CCDC178: variants seen among roughly 807,000 people sequenced by gnomAD.
CCDC178 encodes coiled-coil domain-containing protein 178.
CCDC178 carries 126 observed loss-of-function variants against 117.4 expected under a neutral mutation model. The observed-to-expected ratio is 1.07, with a 90% confidence interval of 0.93 to 1.24. The LOEUF is 1.24. Ranked by LOEUF, CCDC178 falls within the 50% of genes most tolerant of loss-of-function variation. CCDC178 has a pLI of 0.00. For synonymous variants in CCDC178, 283 were observed against 313.4 expected, an observed-to-expected ratio of 0.90 and a Z score of 1.02; for missense variants, 1,030 against 986.9, an observed-to-expected ratio of 1.04 and a Z score of -0.59.
chr18:33,237,039 C>G (rs2059433280), intron 15 of CCDC178, among the ~76,000 whole-genome samples: 1 of 152,160 alleles, frequency 6.6e-6, no homozygotes, highest in African/African-American at 2.4e-5. Flanking sequence ...AACTTATGCA[C>G]TCCCCCAACT....
At position 33,294,181 on chromosome 18, in the gene CCDC178, C is replaced by G. The variant is rs142061493; in HGVS notation, c.1023-869G>C. Among the ~76,000 whole-genome samples, 925 of 152,256 alleles carry G rather than the reference C, an allele frequency of 6.1e-3. 8 individuals carry two copies. The highest frequency in any genetic ancestry group is 0.021 in the African/African-American group (887 of 41,550). On this transcript the variant is annotated intron_variant, in intron 11 of 22. Transcript: ENST00000383096. ...TGAACCACACAATCCTTTATCTAATCTAGCAGGTAGAAACCACTTTCCAAA... is the reference window on the plus strand; with the variant it reads ...TGAACCACACAATCCTTTATCTAATGTAGCAGGTAGAAACCACTTTCCAAA...
intron 22 of CCDC178, among the ~76,000 whole-genome samples, chr18:32,949,558 T>C (rs2054433675): frequency 6.6e-6 from 1 of 152,174 alleles, no homozygotes; most frequent in African/African-American, 2.4e-5. Flanking sequence ...TCAGGCATTG[T>C]AAGCTTTATT....
chr18:33,369,973 T>C, intron 6 of CCDC178, 77 bp downstream of exon 6: 1 of 1,229,020 alleles, frequency 8.1e-7, no homozygotes, highest in Non-Finnish European at 1.1e-6. Flanking sequence ...CAGAGTTTCC[T>C]GGGTTCTTTA....
chr18:33,238,222 C>A (rs1261155368), intron 15 of CCDC178, among the ~76,000 whole-genome samples: 1 of 151,946 alleles, frequency 6.6e-6, no homozygotes, highest in Non-Finnish European at 1.5e-5. Flanking sequence ...CAGATACCAA[C>A]ATAAGGAAAC....
intron 18 of CCDC178, among the ~76,000 whole-genome samples, chr18:33,219,166 C>G (rs1007914078): frequency 6.6e-6 from 1 of 151,982 alleles, no homozygotes; most frequent in Non-Finnish European, 1.5e-5. Flanking sequence ...AGGTCCTTCA[C>G]ATGAAAAAAT....
intron 3 of CCDC178, among the ~76,000 whole-genome samples, chr18:33,405,293 G>T (rs1183578007): frequency 2.6e-5 from 4 of 151,382 alleles, no homozygotes; most frequent in African/African-American, 7.3e-5. Flanking sequence ...TACTTATAAT[G>T]CATCTGTATA....
In CCDC178 at chr18:33,356,376, C is replaced by T. The variant is rs1192967034; in HGVS notation, c.349-30G>A. ...CAAAACAAAAGATCTCAATAAAAATCAAATCTTAAACATATTAAAAAACTG... is the reference window on the plus strand; with the variant it reads ...CAAAACAAAAGATCTCAATAAAAATTAAATCTTAAACATATTAAAAAACTG... On this transcript the variant is annotated intron_variant, in intron 6 of 22. Coordinates refer to ENST00000383096, the MANE Select transcript of CCDC178 (RefSeq NM_001105528.4). 8.2e-6 allele frequency: 12 copies of T among 1,458,900 alleles called. No homozygotes were observed. The East Asian group carries it at 2.7e-4, about 33-fold the overall frequency. The allele number at this position is 1,458,900 out of a possible 1,614,324, so 90.4% of individuals were successfully genotyped here. A position where few individuals can be genotyped will look rare whatever the true frequency, so the allele number is the denominator to read the frequency against.
intron 11 of CCDC178, among the ~76,000 whole-genome samples, chr18:33,314,247 G>GATTC (rs1366165315): frequency 7.9e-6 from 1 of 127,336 alleles, no homozygotes; most frequent in Non-Finnish European, 1.6e-5. Flanking sequence ...ATTGTGCCTA[G>GATTC]ATTCAGGCTG....
At chr18:33,274,917 G>A (rs939121607) in intron 12 of CCDC178, among the ~76,000 whole-genome samples, 1 of 151,970 alleles carries the variant, frequency 6.6e-6, no homozygotes, top group Admixed American at 6.6e-5. Flanking sequence ...GGATAAGTAC[G>A]ATTACTTTAG....
At chr18:32,959,731 A>G (rs2054668806) in intron 22 of CCDC178, among the ~76,000 whole-genome samples, 1 of 152,106 alleles carries the variant, frequency 6.6e-6, no homozygotes, top group African/African-American at 2.4e-5. Flanking sequence ...GCTAAGTTGT[A>G]TGAAAAATAC....
At chr18:32,979,263 C>T (rs1245501957) in intron 21 of CCDC178, among the ~76,000 whole-genome samples, 1 of 151,970 alleles carries the variant, frequency 6.6e-6, no homozygotes, top group Non-Finnish European at 1.5e-5. Flanking sequence ...TCAAACGATT[C>T]TCCTGTCTCA....
chr18:33,431,074 CA>C (rs368036930), intron 2 of CCDC178, among the ~76,000 whole-genome samples: 297 of 66,404 alleles, frequency 4.5e-3, no homozygotes, highest in African/African-American at 0.014. Context: ...GACTACGTCT[CA>C]AAAAAAAAAA....
At chr18:33,243,145 A>G (rs2059508473) in intron 15 of CCDC178, among the ~76,000 whole-genome samples, 1 of 151,968 alleles carries the variant, frequency 6.6e-6, no homozygotes, top group Non-Finnish European at 1.5e-5. Flanking sequence ...GAAGTCACTC[A>G]GGAATAGAAA....
chr18:33,369,884 C>T (rs1411873955), intron 6 of CCDC178, among the ~76,000 whole-genome samples, 166 bp downstream of exon 6: 2 of 151,918 alleles, frequency 1.3e-5, no homozygotes, highest in Non-Finnish European at 2.9e-5. Context: ...GTGAGACTAT[C>T]AAAAACATGT....
chr18:33,235,349 T>G (rs2059415662), intron 15 of CCDC178, among the ~76,000 whole-genome samples: 1 of 152,170 alleles, frequency 6.6e-6, no homozygotes, highest in South Asian at 2.1e-4. Flanking sequence ...GGTCACAATG[T>G]AAGTCTAATG....
At chr18:33,140,575 CCT>C (rs1762844171) in intron 20 of CCDC178, among the ~76,000 whole-genome samples, 1 of 152,048 alleles carries the variant, frequency 6.6e-6, no homozygotes, top group African/African-American at 2.4e-5. Context: ...ACCTGTAGCC[CCT>C]TTGTTTTGGA....
intron 9 of CCDC178, among the ~76,000 whole-genome samples, chr18:33,333,755 A>C (rs901120699): frequency 6.6e-6 from 1 of 151,918 alleles, no homozygotes; most frequent in Non-Finnish European, 1.5e-5. Flanking sequence ...CAGGTGGTCC[A>C]CCTGCCTCGG....
chr18:33,123,417 A>C (rs2057962674), intron 20 of CCDC178, among the ~76,000 whole-genome samples: 1 of 152,166 alleles, frequency 6.6e-6, no homozygotes, highest in South Asian at 2.1e-4. Context: ...ACAAATTCAA[A>C]TATGTATGTC....
At chr18:33,292,576 A>G (rs2060181421) in intron 12 of CCDC178, among the ~76,000 whole-genome samples, 1 of 152,044 alleles carries the variant, frequency 6.6e-6, no homozygotes, top group Non-Finnish European at 1.5e-5. Flanking sequence ...AAAATCCTCG[A>G]AAGAGGGCGA....
Sources: allele counts gnomAD v4.1 joint callset (sites outside exome capture counted in the v4.1 genomes callset), GRCh38; gene constraint gnomAD v4.1.1; transcripts MANE v1.5; gene names NCBI Gene and HGNC (gene_info 2026-07-23, HGNC 2026-07-21).